The following DACH1 variants were observed in gnomAD, a reference collection of about 807,000 sequenced individuals.
The protein encoded by DACH1 is dachshund family transcription factor 1.
DACH1 carries 12 observed loss-of-function variants against 54.2 expected under a neutral mutation model. The observed-to-expected ratio is 0.22, with a 90% confidence interval of 0.14 to 0.36. The LOEUF is 0.36. Ranked by LOEUF, DACH1 falls within the 10% of genes least tolerant of loss-of-function variation. The pLI, the probability that DACH1 is intolerant of heterozygous loss-of-function variation, is 1.00. For missense variants in DACH1, 805 were observed against 929.8 expected, an observed-to-expected ratio of 0.87 and a Z score of 1.75; for synonymous variants, 386 against 366.2, an observed-to-expected ratio of 1.05 and a Z score of -0.62.
chr13:71,703,554 G>A (rs368586084), intron 1 of DACH1, among the ~76,000 whole-genome samples: 1 of 152,200 alleles, frequency 6.6e-6, no homozygotes, highest in African/African-American at 2.4e-5. Context: ...TGCACAAGAT[G>A]CGTCATAAAT....
At chr13:71,715,519 C>T (rs969706004) in intron 1 of DACH1, among the ~76,000 whole-genome samples, 4 of 152,020 alleles carry the variant, frequency 2.6e-5, no homozygotes, top group Non-Finnish European at 4.4e-5. Flanking sequence ...ATCTTAATCT[C>T]ATTTCTAACT....
intron 1 of DACH1, among the ~76,000 whole-genome samples, chr13:71,765,346 G>C (rs988753441): frequency 1.3e-5 from 2 of 152,106 alleles, no homozygotes; most frequent in Non-Finnish European, 2.9e-5. Flanking sequence ...ACGTCCATCT[G>C]CTTTTCCCCA....
intron 3 of DACH1, among the ~76,000 whole-genome samples, chr13:71,583,301 T>C (rs1371765840): frequency 6.6e-6 from 1 of 152,116 alleles, no homozygotes; most frequent in Non-Finnish European, 1.5e-5. Context: ...GTCACATTCA[T>C]TTTTGTTTCT....
intron 2 of DACH1, among the ~76,000 whole-genome samples, chr13:71,670,378 G>A (rs1880137005): frequency 6.6e-6 from 1 of 152,066 alleles, no homozygotes; most frequent in African/African-American, 2.4e-5. Context: ...CCATTTTTAA[G>A]GTCTACTACC....
intron 1 of DACH1, among the ~76,000 whole-genome samples, chr13:71,851,747 A>G (rs562258300): frequency 2.0e-5 from 3 of 152,298 alleles, no homozygotes; most frequent in East Asian, 3.9e-4. Context: ...CATAGCAACA[A>G]CTGACATCAT....
intron 1 of DACH1, among the ~76,000 whole-genome samples, chr13:71,767,973 A>G (rs754210172): frequency 6.6e-6 from 1 of 152,016 alleles, no homozygotes; most frequent in Non-Finnish European, 1.5e-5. Flanking sequence ...GGCAAAGTTT[A>G]GCATTTTTAA....
At chr13:71,862,450 A>T (rs1483906478) in intron 1 of DACH1, among the ~76,000 whole-genome samples, 1 of 152,068 alleles carries the variant, frequency 6.6e-6, no homozygotes, top group African/African-American at 2.4e-5. Context: ...TAATAATTGG[A>T]GGAAGCTGAT....
Position 71,522,628 on chromosome 13 carries a change from C to T in DACH1, c.1571-33480G>A, listed in dbSNP as rs567443632. On this transcript the variant is annotated intron_variant, in intron 6 of 10. Transcript: ENST00000613252. Reference sequence around the variant, plus strand: ...AACCTTCAGTTTATTAAACAGATTTCACTATAATCTCTATTTCATGGCACA... The same window carrying T: ...AACCTTCAGTTTATTAAACAGATTTTACTATAATCTCTATTTCATGGCACA... Among the ~76,000 whole-genome samples, 8 of 152,118 alleles carry T rather than the reference C, an allele frequency of 5.3e-5. No homozygotes were observed. The East Asian group carries it at 1.6e-3, about 29-fold the overall frequency.
chr13:71,858,405 C>T (rs1874141433), intron 1 of DACH1, among the ~76,000 whole-genome samples: 1 of 151,628 alleles, frequency 6.6e-6, no homozygotes, highest in Non-Finnish European at 1.5e-5. Flanking sequence ...TTCAATGTTA[C>T]CAATCAACAT....
chr13:71,524,082 T>A (rs1034360314), intron 6 of DACH1, among the ~76,000 whole-genome samples: 2 of 152,148 alleles, frequency 1.3e-5, no homozygotes, highest in Admixed American at 1.3e-4. Flanking sequence ...ACAAGTCTAA[T>A]TGAACTAAAA....
intron 6 of DACH1, among the ~76,000 whole-genome samples, chr13:71,509,671 C>A (rs1300604650): frequency 5.9e-5 from 9 of 151,864 alleles, no homozygotes. Flanking sequence ...TCAGTAAGTC[C>A]TTCTCTTCTC....
chr13:71,562,998 A>G (rs1380545235), intron 4 of DACH1, among the ~76,000 whole-genome samples: 1 of 152,072 alleles, frequency 6.6e-6, no homozygotes, highest in Non-Finnish European at 1.5e-5. Context: ...ACAATACTGC[A>G]GCTAACTGCA....
chr13:71,598,716 T>C (rs1341907390), intron 3 of DACH1, among the ~76,000 whole-genome samples: 1 of 152,122 alleles, frequency 6.6e-6, no homozygotes, highest in African/African-American at 2.4e-5. Context: ...TATTCGAAAA[T>C]TTATATTTGC....
At chr13:71,664,092 A>G (rs1879680145) in intron 2 of DACH1, among the ~76,000 whole-genome samples, 1 of 151,968 alleles carries the variant, frequency 6.6e-6, no homozygotes, top group African/African-American at 2.4e-5. Context: ...TTGTTGACAG[A>G]CTTTGTAGTG....
chr13:71,642,570 A>T (rs1877987379), intron 2 of DACH1, among the ~76,000 whole-genome samples: 1 of 152,216 alleles, frequency 6.6e-6, no homozygotes, highest in Non-Finnish European at 1.5e-5. Context: ...AAATATCTGA[A>T]CATTTCACAT....
At chr13:71,553,641 T>TTA (rs1200248223) in intron 6 of DACH1, among the ~76,000 whole-genome samples, 1 of 143,666 alleles carries the variant, frequency 7.0e-6, no homozygotes, top group African/African-American at 2.7e-5. Context: ...TTTTTGTATT[T>TTA]TATATATATA....
chr13:71,657,527 C>A (rs1311180961), intron 2 of DACH1, among the ~76,000 whole-genome samples: 2 of 141,754 alleles, frequency 1.4e-5, no homozygotes, highest in Admixed American at 7.2e-5. Context: ...TATTTTTATT[C>A]TTTTATTCTT....
chr13:71,520,144 T>A (rs1380911013), intron 6 of DACH1, among the ~76,000 whole-genome samples: 1 of 151,352 alleles, frequency 6.6e-6, no homozygotes, highest in East Asian at 2.0e-4. Context: ...TTGGGTTTCT[T>A]CCATGTTTTG....
At chr13:71,474,672 C>T (rs1321761392) in intron 10 of DACH1, among the ~76,000 whole-genome samples, 1 of 152,156 alleles carries the variant, frequency 6.6e-6, no homozygotes, top group African/African-American at 2.4e-5. Context: ...CACATAGGAA[C>T]TAAACAGTCT....
Sources: allele counts gnomAD v4.1 joint callset (sites outside exome capture counted in the v4.1 genomes callset), GRCh38; gene constraint gnomAD v4.1.1; transcripts MANE v1.5; gene names NCBI Gene and HGNC (gene_info 2026-07-23, HGNC 2026-07-21).